MED12L: variants seen among roughly 807,000 people sequenced by gnomAD.
MED12L encodes the protein mediator of RNA polymerase II transcription subunit 12-like protein.
A neutral mutation model predicts 281.3 loss-of-function variants in MED12L; 60 were observed. The observed-to-expected ratio is 0.21, with a 90% CI of 0.17 to 0.26. The LOEUF (loss-of-function observed/expected upper bound fraction) is 0.26. Ranked by LOEUF, MED12L falls within the 10% of genes least tolerant of loss-of-function variation. MED12L has a pLI of 1.00. For synonymous variants in MED12L, 974 were observed against 987.2 expected, an observed-to-expected ratio of 0.99 and a Z score of 0.25; for missense variants, 2,146 against 2,680.9, an observed-to-expected ratio of 0.80 and a Z score of 4.41.
intron 16 of MED12L, among the ~76,000 whole-genome samples, chr3:151,214,675 C>A (rs1384508532): frequency 4.0e-5 from 6 of 151,192 alleles, no homozygotes; most frequent in Non-Finnish European, 7.4e-5. Context: ...AGACAGGTGG[C>A]AGTAAAGAGA....
chr3:151,134,071 G>A (rs1417045611), intron 5 of MED12L, among the ~76,000 whole-genome samples: 3 of 152,140 alleles, frequency 2.0e-5, no homozygotes, highest in Admixed American at 6.5e-5. Context: ...GCAGGGATAC[G>A]GTGCTAACTG....
intron 16 of MED12L, among the ~76,000 whole-genome samples, chr3:151,330,106 G>T (rs527884728): frequency 9.2e-5 from 14 of 152,268 alleles, no homozygotes; most frequent in Admixed American, 7.9e-4. Flanking sequence ...ATAGATAAAT[G>T]ATTCAACAGC....
rs1201986859 is a variant in MED12L at position 151,360,409 on chromosome 3, G to T, written c.2826-65G>T. 2.8e-5 allele frequency: 40 copies of T among 1,444,610 alleles called. No individual in the cohort carries two copies. The Admixed American group carries it at 6.6e-4, about 24-fold the overall frequency. 89.5% of individuals were successfully genotyped at this position (1,444,610 alleles called of 1,614,324 possible). A position where few individuals can be genotyped will look rare whatever the true frequency, so the allele number is the denominator to read the frequency against. On this transcript the variant is annotated intron_variant, in intron 20 of 44. Transcript: ENST00000687756. ...AGTGATACATATTTTCATTCTAAAA[G>T]AGTCAAATGATAACCCACATAGTAC... is the stretch of plus-strand genomic sequence containing the variant.
At chr3:151,369,593 A>T (rs1406308484) in intron 26 of MED12L, 44 bp downstream of exon 26, 2 of 1,246,654 alleles carry the variant, frequency 1.6e-6, no homozygotes, top group African/African-American at 1.5e-5. Flanking sequence ...ATCACCAGAA[A>T]TGAAGGCAAA....
In MED12L at chr3:151,192,193, T is replaced by C. The variant is rs114890997; in HGVS notation, c.1969-357T>C. The stretch of plus-strand genomic sequence containing the variant: ...CTTTTTCTTTTCTATTCTATAGATA[T>C]TAAAGTGTCTTATATTTCAGATATA... On this transcript the variant is annotated intron_variant, in intron 14 of 44. Coordinates refer to ENST00000687756, the MANE Select transcript of MED12L (RefSeq NM_001393769.1). Among the ~76,000 whole-genome samples the C allele has an allele frequency of 8.1e-3, 1,230 of 152,332 alleles. 7 individuals are homozygous for C. Among genetic ancestry groups the C allele is most frequent in the Non-Finnish European group, 0.014 (937 of 68,030 alleles).
chr3:151,311,185 T>C (rs1216172021), intron 16 of MED12L, among the ~76,000 whole-genome samples: 2 of 152,210 alleles, frequency 1.3e-5, no homozygotes, highest in African/African-American at 4.8e-5. Flanking sequence ...AGATCCAGCA[T>C]GACTCTGTGA....
At chr3:151,133,154 G>A (rs964772578) in intron 5 of MED12L, among the ~76,000 whole-genome samples, 7 of 152,238 alleles carry the variant, frequency 4.6e-5, no homozygotes, top group Admixed American at 2.0e-4. Context: ...AAGTGTTTTC[G>A]GTAGAAATGA....
intron 16 of MED12L, among the ~76,000 whole-genome samples, chr3:151,260,146 G>T (rs1404203863): frequency 6.6e-6 from 1 of 152,178 alleles, no homozygotes; most frequent in African/African-American, 2.4e-5. Flanking sequence ...TGTTTCAGTT[G>T]TGGAAAGAAT....
chr3:151,180,709 C>T (rs906366839), intron 11 of MED12L, among the ~76,000 whole-genome samples: 5 of 152,150 alleles, frequency 3.3e-5, no homozygotes, highest in Non-Finnish European at 5.9e-5. Flanking sequence ...TGAGTCAAAT[C>T]ATTGAGAGAC....
intron 16 of MED12L, among the ~76,000 whole-genome samples, chr3:151,262,438 A>G (rs1457974219): frequency 2.0e-5 from 3 of 152,138 alleles, no homozygotes; most frequent in African/African-American, 7.2e-5. Flanking sequence ...CATGGTACCT[A>G]TGGGGTGGCC....
chr3:151,252,405 G>T lies in MED12L; in HGVS notation c.2250+58739G>T, dbSNP rs1427916759. ...TCATAGAAAATAATTGCAACTTCTG[G>T]CATAAATACTGATTTTTAATTGTCT... On this transcript the variant is annotated intron_variant, in intron 16 of 44. Transcript: ENST00000687756. Among the ~76,000 whole-genome samples, 5 of 152,058 alleles carry T rather than the reference G, an allele frequency of 3.3e-5. No homozygotes were observed. The East Asian group carries it at 9.6e-4, about 29-fold the overall frequency.
At chr3:151,157,399 G>T (rs369713194) in intron 6 of MED12L, among the ~76,000 whole-genome samples, 4 of 151,980 alleles carry the variant, frequency 2.6e-5, no homozygotes, top group Non-Finnish European at 5.9e-5. Flanking sequence ...AGAAACAAGG[G>T]CATGGGTATA....
chr3:151,376,642 T>C (rs1444964638), intron 28 of MED12L, among the ~76,000 whole-genome samples, 158 bp from the exon 29 acceptor site: 1 of 152,202 alleles, frequency 6.6e-6, no homozygotes, highest in Non-Finnish European at 1.5e-5. Flanking sequence ...CGCTACTGAA[T>C]ATATATGCAG....
At chr3:151,216,776 A>G (rs1263468263) in intron 16 of MED12L, among the ~76,000 whole-genome samples, 3 of 152,110 alleles carry the variant, frequency 2.0e-5, no homozygotes, top group Non-Finnish European at 4.4e-5. Context: ...TTCATATTTT[A>G]AAAGATAAGG....
intron 3 of MED12L, 33 bp downstream of exon 3, chr3:151,116,475 G>T: frequency 7.1e-7 from 1 of 1,406,468 alleles, no homozygotes. Context: ...TCAAACTCCT[G>T]AAAAAGTGTG....
chr3:151,323,571 T>TTCC (rs1205630235), intron 16 of MED12L, among the ~76,000 whole-genome samples: 1 of 152,126 alleles, frequency 6.6e-6, no homozygotes, highest in African/African-American at 2.4e-5. Flanking sequence ...TGCCGCAGGG[T>TTCC]TCCCTTTTGA....
At chr3:151,208,972 G>T (rs1439609341) in intron 16 of MED12L, among the ~76,000 whole-genome samples, 2 of 152,174 alleles carry the variant, frequency 1.3e-5, no homozygotes, top group East Asian at 1.9e-4. Flanking sequence ...CTTGTCTTAA[G>T]TCCTGTGTTG....
chr3:151,354,783 G>A (rs1312084284), intron 17 of MED12L, among the ~76,000 whole-genome samples: 1 of 152,148 alleles, frequency 6.6e-6, no homozygotes, highest in Non-Finnish European at 1.5e-5. Context: ...AATCTTAAAA[G>A]CATACTGTTG....
At chr3:151,180,039 C>A (rs1173424648) in intron 11 of MED12L, among the ~76,000 whole-genome samples, 1 of 151,974 alleles carries the variant, frequency 6.6e-6, no homozygotes, top group African/African-American at 2.4e-5. Context: ...TGGTATCTAG[C>A]TAGTATTGGA....
Sources: gnomAD v4.1 joint callset for allele counts (sites outside exome capture counted in the v4.1 genomes callset) on GRCh38, gnomAD v4.1.1 for gene constraint, MANE v1.5 for transcripts, NCBI Gene and HGNC (gene_info 2026-07-23, HGNC 2026-07-21) for gene names.